Variants in PCDHGA2 observed in about 807,000 individuals in gnomAD.
The protein encoded by PCDHGA2 is protocadherin gamma-A2.
In PCDHGA2, 40 loss-of-function variants were observed where a neutral mutation model predicts 59.2. The ratio of observed to expected loss-of-function variants is 0.68; its 90% CI spans 0.52 to 0.88. PCDHGA2 has a LOEUF of 0.88. Ranked by LOEUF, PCDHGA2 falls within the 40% of genes least tolerant of loss-of-function variation. PCDHGA2 has a pLI of 0.00. For missense variants in PCDHGA2, 1,226 were observed against 1,204.0 expected (o/e 1.02, Z -0.27); for synonymous variants, 560 against 526.0 (o/e 1.06, Z -0.89).
chr5:141,395,178 G>T (rs1201622292), intron 1 of PCDHGA2: 2 of 1,614,142 alleles, frequency 1.2e-6, no homozygotes, highest in Non-Finnish European at 1.7e-6. Context: ...TGAGAAAAAT[G>T]ATTCTTTGTT....
chr5:141,360,688 A>T, intron 1 of PCDHGA2: 1 of 1,613,902 alleles, frequency 6.2e-7, no homozygotes, highest in Non-Finnish European at 8.5e-7. Context: ...TGAGAAACAG[A>T]CTCCAGATGG....
chr5:141,441,752 C>T, intron 1 of PCDHGA2: 2 of 378,086 alleles, frequency 5.3e-6, no homozygotes, highest in Non-Finnish European at 1.1e-5. Context: ...TCGGCGTCAA[C>T]GTGAGCCTGC....
At position 141,511,916 on chromosome 5, in the gene PCDHGA2, C is replaced by T. The variant is rs2099884006; in HGVS notation, c.*743C>T. ...CCACCTCCTCCTCAAACAAGAGACT[C>T]CACTGCATGTTCCAAGACAGTATGG... On this transcript the variant is annotated 3_prime_UTR_variant, in exon 4 of 4. Coordinates refer to ENST00000394576, the MANE Select transcript of PCDHGA2 (RefSeq NM_018915.4). The T allele has an allele frequency of 6.4e-6, 1 of 156,466 alleles. No individual in the cohort carries two copies. The highest frequency in any genetic ancestry group is 2.4e-5 in the African/African-American group (1 of 41,474). The allele number at this position is 156,466 out of a possible 1,614,324, so 9.7% of individuals were successfully genotyped here.
chr5:141,432,797 T>C lies in PCDHGA2; in HGVS notation c.2425-62010T>C, dbSNP rs1591218426. On this transcript the variant is annotated intron_variant, in intron 1 of 3. Coordinates refer to ENST00000394576, the MANE Select transcript of PCDHGA2 (RefSeq NM_018915.4). The surrounding 1 kb of genome is among the most constrained non-coding windows in gnomAD (Gnocchi z 6.0). The stretch of plus-strand genomic sequence containing the variant: ...CCTGGCGGACCTCGGCAGCCTCGAG[T>C]CTCCAGCTAACTCTGAAACCTCAGA... 2.5e-6 allele frequency: 4 copies of C among 1,613,752 alleles called. No individual in the cohort carries two copies. The highest frequency in any genetic ancestry group is 2.7e-5 in the African/African-American group (2 of 74,816).
chr5:141,405,587 G>T, intron 1 of PCDHGA2: 1 of 585,648 alleles, frequency 1.7e-6, no homozygotes, highest in Non-Finnish European at 3.0e-6. Flanking sequence ...TGGGACTACA[G>T]GCCTCCCAAG....
At chr5:141,417,954 C>A (rs2096198021) in intron 1 of PCDHGA2, 3 of 1,613,600 alleles carry the variant, frequency 1.9e-6, no homozygotes, top group South Asian at 1.1e-5. Flanking sequence ...CTGTGTGAGC[C>A]GATCCGCTAC....
At chr5:141,372,359 A>T in intron 1 of PCDHGA2, 1 of 1,613,954 alleles carries the variant, frequency 6.2e-7, no homozygotes, top group Non-Finnish European at 8.5e-7. Flanking sequence ...AGCCTCTTTC[A>T]GCCACCGTCA....
chr5:141,345,457 C>A, intron 1 of PCDHGA2: 1 of 1,614,160 alleles, frequency 6.2e-7, no homozygotes, highest in Non-Finnish European at 8.5e-7. Context: ...TTCTCAGTGA[C>A]AGCCCAGGAC....
intron 1 of PCDHGA2, among the ~76,000 whole-genome samples, chr5:141,433,395 CTA>C (rs1426636882): frequency 1.1e-4 from 17 of 150,770 alleles, no homozygotes; most frequent in African/African-American, 4.1e-4. Flanking sequence ...ATCTATCTAT[CTA>C]TCTATCTATT....
intron 1 of PCDHGA2, among the ~76,000 whole-genome samples, chr5:141,379,887 CTCTTTTTTTTTTT>C (rs1775930082): frequency 1.2e-5 from 1 of 84,268 alleles, no homozygotes; most frequent in African/African-American, 5.0e-5. Context: ...CTGTGAAAGC[CTCTTTTTTTTTTT>C]TTTTTTTTTT....
chr5:141,345,053 G>A, intron 1 of PCDHGA2: 1 of 1,613,966 alleles, frequency 6.2e-7, no homozygotes, highest in Non-Finnish European at 8.5e-7. Context: ...TTCTGGATGT[G>A]AATGACAATG....
chr5:141,415,819 TA>T, intron 1 of PCDHGA2: 2 of 1,328,322 alleles, frequency 1.5e-6, no homozygotes, highest in African/African-American at 1.5e-5. Context: ...CTATATATCA[TA>T]AGGCTTTGTT....
chr5:141,476,382 A>G lies in PCDHGA2; in HGVS notation c.2425-18425A>G, dbSNP rs777831089. ...CGGGAGACCGGAGAGATGTTTGTGA[A>G]CGACCGTCTGGATCGAGAGGAGCTG... On this transcript the variant is annotated intron_variant, in intron 1 of 3. Transcript: ENST00000394576. This position sits in a 1 kb window ranked among gnomAD's most constrained non-coding sequence, Gnocchi z 7.6. 3.7e-6 allele frequency: 6 copies of G among 1,613,866 alleles called. No individual in the cohort carries two copies. The East Asian group carries it at 1.3e-4, about 36-fold the overall frequency.
Position 141,490,931 on chromosome 5 carries a change from T to C in PCDHGA2, c.2425-3876T>C. 1 of 1,613,780 alleles carries C rather than the reference T, an allele frequency of 6.2e-7. No individual in the cohort carries two copies. Among genetic ancestry groups the C allele is most frequent in the East Asian group, 2.2e-5 (1 of 44,872 alleles). ...GACGAGAATGATAATGCCCCAGCTG[T>C]GCTGCACCCACGGCCAGACTGGGAA... On this transcript the variant is annotated intron_variant, in intron 1 of 3. Transcript: ENST00000394576. This position sits in a 1 kb window ranked among gnomAD's most constrained non-coding sequence, Gnocchi z 5.4.
rs759731651 is a variant in PCDHGA2 at position 141,356,978 on chromosome 5, C to T, written c.2424+15583C>T. ...GGCTACCTGGTGACCAAAGTGGTGG[C>T]AGTGGACAGAGACTCAGGTCAGAAT... On this transcript the variant is annotated intron_variant, in intron 1 of 3. Coordinates refer to ENST00000394576, the MANE Select transcript of PCDHGA2 (RefSeq NM_018915.4). 3 of 1,614,228 alleles carry T rather than the reference C, an allele frequency of 1.9e-6. No homozygotes were observed. In the Admixed American group the frequency reaches 5.0e-5, roughly 27 times the overall value.
chr5:141,429,421 C>T (rs1223756901), intron 1 of PCDHGA2, among the ~76,000 whole-genome samples: 1 of 151,486 alleles, frequency 6.6e-6, no homozygotes, highest in Non-Finnish European at 1.5e-5. Context: ...CATTATGTTG[C>T]CCAGGCTGGA....
At position 141,432,950 on chromosome 5, in the gene PCDHGA2, G is replaced by T. The variant is rs750033444; in HGVS notation, c.2425-61857G>T. ...ACGCCTGCTGCAGGCTTCAGGAGGCGGCTTGACAGGAGCGCCGGCGTCGCA... is the reference window on the plus strand; with the variant it reads ...ACGCCTGCTGCAGGCTTCAGGAGGCTGCTTGACAGGAGCGCCGGCGTCGCA... On this transcript the variant is annotated intron_variant, in intron 1 of 3. Coordinates refer to ENST00000394576, the MANE Select transcript of PCDHGA2 (RefSeq NM_018915.4). This position sits in a 1 kb window ranked among gnomAD's most constrained non-coding sequence, Gnocchi z 6.0. 6 of 1,614,072 alleles carry T rather than the reference G, an allele frequency of 3.7e-6. No individual in the cohort carries two copies. Among genetic ancestry groups the T allele is most frequent in the Admixed American group, 1.7e-5 (1 of 60,010 alleles).
At chr5:141,453,807 A>G (rs752553367) in intron 1 of PCDHGA2, among the ~76,000 whole-genome samples, 3 of 152,250 alleles carry the variant, frequency 2.0e-5, no homozygotes, top group Non-Finnish European at 4.4e-5. Flanking sequence ...GAGTAGTTCC[A>G]TAAAGGACAA....
intron 1 of PCDHGA2, chr5:141,370,814 G>A (rs1177067134): frequency 9.9e-6 from 16 of 1,613,906 alleles, no homozygotes; most frequent in Non-Finnish European, 1.4e-5. Flanking sequence ...TCACTGAGCT[G>A]GAAATCAGCG....
Sources: allele counts gnomAD v4.1 joint callset (sites outside exome capture counted in the v4.1 genomes callset), GRCh38; gene constraint gnomAD v4.1.1; non-coding constraint Gnocchi (gnomAD v3.1); transcripts MANE v1.5; gene names NCBI Gene and HGNC (gene_info 2026-07-23, HGNC 2026-07-21).